DYNC1I2: variants seen among roughly 807,000 people sequenced by gnomAD.
DYNC1I2 encodes the protein cytoplasmic dynein 1 intermediate chain 2.
DYNC1I2 carries 53 observed loss-of-function variants against 88.6 expected under a neutral mutation model. The observed-to-expected ratio is 0.60, with a 90% CI of 0.48 to 0.75. The LOEUF (loss-of-function observed/expected upper bound fraction) is 0.75, where lower values mean the gene tolerates loss of function less well. DYNC1I2 is among the 30% of genes least tolerant of loss of function. The probability of loss-of-function intolerance (pLI) is 0.00; values close to 1 mark genes in which losing one functional copy is unlikely to be tolerated. For missense variants in DYNC1I2, 458 were observed against 766.6 expected, an observed-to-expected ratio of 0.60 and a Z score of 4.75; for synonymous variants, 198 against 254.6, an observed-to-expected ratio of 0.78 and a Z score of 2.12.
intron 15 of DYNC1I2, among the ~76,000 whole-genome samples, chr2:171,734,459 CTT>C (rs1688865817): frequency 6.6e-6 from 1 of 152,162 alleles, no homozygotes; most frequent in African/African-American, 2.4e-5. Context: ...GGGCATATCT[CTT>C]TCTTTGCCAA....
At chr2:171,689,882 C>CTTTTTTT (rs10716223) in intron 1 of DYNC1I2, among the ~76,000 whole-genome samples, 71 of 54,136 alleles carry the variant, frequency 1.3e-3, no homozygotes, top group Non-Finnish European at 1.6e-3. Flanking sequence ...TTTTTCTTGC[C>CTTTTTTT]TTTTTTTTTT....
chr2:171,724,973 C>T (rs1688140534), intron 7 of DYNC1I2, among the ~76,000 whole-genome samples: 1 of 152,124 alleles, frequency 6.6e-6, no homozygotes, highest in Non-Finnish European at 1.5e-5. Flanking sequence ...ATTTTAAGTG[C>T]TTATTGCCAC....
chr2:171,696,050 GTTCT>G (rs1260915301), intron 3 of DYNC1I2, among the ~76,000 whole-genome samples: 2 of 152,104 alleles, frequency 1.3e-5, no homozygotes, highest in African/African-American at 4.8e-5. Flanking sequence ...TATGATTGAG[GTTCT>G]TTATCTTCTG....
chr2:171,697,370 C>T (rs1038367540), intron 3 of DYNC1I2, among the ~76,000 whole-genome samples: 7 of 152,000 alleles, frequency 4.6e-5, no homozygotes, highest in Non-Finnish European at 8.8e-5. Context: ...TACTTTTTGC[C>T]TCATGATATC....
At chr2:171,712,859 A>G in intron 6 of DYNC1I2, 33 bp downstream of exon 6, 1 of 1,567,544 alleles carries the variant, frequency 6.4e-7, no homozygotes, top group Non-Finnish European at 8.8e-7. Context: ...TCCCTGTTTT[A>G]TAATGAATTT....
At chr2:171,715,979 A>C (rs1258216397) in intron 7 of DYNC1I2, among the ~76,000 whole-genome samples, 1 of 152,154 alleles carries the variant, frequency 6.6e-6, no homozygotes, top group African/African-American at 2.4e-5. Flanking sequence ...TAGTATGGGG[A>C]CGTATGCACA....
intron 3 of DYNC1I2, among the ~76,000 whole-genome samples, chr2:171,703,661 A>G (rs115403885): frequency 0.016 from 2,508 of 152,316 alleles, 58 homozygotes; most frequent in African/African-American, 0.053. Flanking sequence ...ATGAAGAGAA[A>G]GAGCAAGGGG....
intron 6 of DYNC1I2, among the ~76,000 whole-genome samples, chr2:171,714,350 A>G (rs2105596575): frequency 6.6e-6 from 1 of 152,216 alleles, no homozygotes; most frequent in African/African-American, 2.4e-5. Context: ...GGATTTAGTT[A>G]CTAAATAGAA....
chr2:171,689,863 A>G (rs1420107923), intron 1 of DYNC1I2, among the ~76,000 whole-genome samples: 1 of 142,176 alleles, frequency 7.0e-6, no homozygotes, highest in African/African-American at 2.6e-5. Flanking sequence ...CATGCCGCCT[A>G]ATTTTTTATT....
intron 11 of DYNC1I2, 28 bp from the exon 12 acceptor site, chr2:171,727,793 C>T: frequency 6.3e-7 from 1 of 1,597,846 alleles, no homozygotes; most frequent in Non-Finnish European, 8.5e-7. Flanking sequence ...ATTTGAATCT[C>T]AAGTATAAAA....
At chr2:171,699,909 C>T (rs929826687) in intron 3 of DYNC1I2, among the ~76,000 whole-genome samples, 1 of 151,930 alleles carries the variant, frequency 6.6e-6, no homozygotes, top group African/African-American at 2.4e-5. Context: ...CCTAACTGCT[C>T]AAGTTTTTTT....
At chr2:171,740,270 A>G (rs530378789) in intron 15 of DYNC1I2, among the ~76,000 whole-genome samples, 2 of 152,316 alleles carry the variant, frequency 1.3e-5, no homozygotes, top group East Asian at 3.9e-4. Context: ...ACGTCTCTTC[A>G]GTCTTTTTGG....
intron 5 of DYNC1I2, among the ~76,000 whole-genome samples, chr2:171,712,163 G>T (rs1415016292): frequency 1.3e-5 from 2 of 152,102 alleles, no homozygotes; most frequent in South Asian, 4.1e-4. Flanking sequence ...CAGATGATAC[G>T]TAAGCCCAAG....
intron 10 of DYNC1I2, 41 bp from the exon 11 acceptor site, chr2:171,726,750 T>A: frequency 6.2e-7 from 1 of 1,605,324 alleles, no homozygotes; most frequent in African/African-American, 1.3e-5. Context: ...ACAGTTCTTA[T>A]TATGCATAGC....
intron 5 of DYNC1I2, among the ~76,000 whole-genome samples, chr2:171,709,180 C>T (rs1281462727): frequency 6.6e-6 from 1 of 152,048 alleles, no homozygotes. Flanking sequence ...TATGACTCAT[C>T]GTTCCTGATT....
At chr2:171,721,642 A>G (rs559525994) in intron 7 of DYNC1I2, among the ~76,000 whole-genome samples, 55 of 152,296 alleles carry the variant, frequency 3.6e-4, no homozygotes, top group African/African-American at 1.2e-3. Context: ...TATAAGTCAA[A>G]TCATATTTTT....
At chr2:171,733,857 A>G (rs1027300293) in intron 15 of DYNC1I2, among the ~76,000 whole-genome samples, 7 of 151,734 alleles carry the variant, frequency 4.6e-5, no homozygotes, top group African/African-American at 1.7e-4. Flanking sequence ...CCTCTTCATC[A>G]TGAAATTTTT....
At chr2:171,699,074 C>A (rs186142422) in intron 3 of DYNC1I2, among the ~76,000 whole-genome samples, 193 of 151,952 alleles carry the variant, frequency 1.3e-3, no homozygotes, top group African/African-American at 4.5e-3. Context: ...TTTGGGAGGC[C>A]GAGGCAGGCA....
chr2:171,747,505 G>A (rs942701530), intron 17 of DYNC1I2, among the ~76,000 whole-genome samples: 1 of 152,054 alleles, frequency 6.6e-6, no homozygotes, highest in African/African-American at 2.4e-5. Flanking sequence ...GTGCATAGGA[G>A]TTATATTTAC....
Sources: allele counts gnomAD v4.1 joint callset (sites outside exome capture counted in the v4.1 genomes callset), GRCh38; gene constraint gnomAD v4.1.1; transcripts MANE v1.5; gene names NCBI Gene and HGNC (gene_info 2026-07-23, HGNC 2026-07-21).